CSMD1: variants seen among roughly 807,000 people sequenced by gnomAD.
CSMD1 encodes the protein CUB and sushi domain-containing protein 1.
In CSMD1, 213 loss-of-function variants were observed where a neutral mutation model predicts 417.5. The observed-to-expected ratio is 0.51, with a 90% CI of 0.46 to 0.57. The LOEUF (loss-of-function observed/expected upper bound fraction) is 0.57, where lower values mean the gene tolerates loss of function less well. Ranked by LOEUF, CSMD1 falls within the 20% of genes least tolerant of loss-of-function variation. CSMD1 has a pLI of 0.00. For synonymous variants in CSMD1, 2,862 were observed against 1,736.8 expected, an observed-to-expected ratio of 1.65 and a Z score of -16.11; for missense variants, 6,923 against 4,529.7, an observed-to-expected ratio of 1.53 and a Z score of -15.17.
At chr8:4,698,109 G>T (rs934994482) in intron 1 of CSMD1, among the ~76,000 whole-genome samples, 8 of 148,600 alleles carry the variant, frequency 5.4e-5, no homozygotes, top group Non-Finnish European at 8.9e-5. Flanking sequence ...TCCCAAATCT[G>T]TGAACACTTT....
At chr8:3,758,722 AC>A (rs1797816910) in intron 5 of CSMD1, among the ~76,000 whole-genome samples, 1 of 152,202 alleles carries the variant, frequency 6.6e-6, no homozygotes, top group Non-Finnish European at 1.5e-5. Flanking sequence ...CATACCTGCT[AC>A]AGACAGATCC....
chr8:3,302,088 G>A (rs1191489651), intron 25 of CSMD1, among the ~76,000 whole-genome samples: 1 of 152,102 alleles, frequency 6.6e-6, no homozygotes, highest in Non-Finnish European at 1.5e-5. Flanking sequence ...TAACACTGAA[G>A]ACTAAAGTCT....
At chr8:4,700,355 A>G (rs1670641027) in intron 1 of CSMD1, among the ~76,000 whole-genome samples, 1 of 151,972 alleles carries the variant, frequency 6.6e-6, no homozygotes, top group South Asian at 2.1e-4. Context: ...TACATATTAT[A>G]AAAATATTAT....
chr8:3,134,086 C>A (rs1046513732), intron 41 of CSMD1, among the ~76,000 whole-genome samples: 3 of 152,032 alleles, frequency 2.0e-5, no homozygotes, highest in African/African-American at 7.3e-5. Context: ...GCAGGAGAAT[C>A]ACTTGAACCA....
chr8:3,354,875 A>ATATCTATAGATATGTCTATCTATAGAGC (rs1808650423), intron 21 of CSMD1, among the ~76,000 whole-genome samples: 1 of 71,522 alleles, frequency 1.4e-5, no homozygotes, highest in Non-Finnish European at 2.7e-5. Context: ...AGATATACAT[A>ATATCTATAGATATGTCTATCTATAGAGC]TATCTATAGA....
intron 5 of CSMD1, among the ~76,000 whole-genome samples, chr8:3,843,179 T>C (rs1342302194): frequency 6.6e-6 from 1 of 152,188 alleles, no homozygotes; most frequent in Non-Finnish European, 1.5e-5. Context: ...TCATGGCTTG[T>C]AAATTGTTTG....
intron 3 of CSMD1, among the ~76,000 whole-genome samples, chr8:4,347,626 G>A (rs1159758054): frequency 1.3e-5 from 2 of 152,124 alleles, no homozygotes; most frequent in Non-Finnish European, 2.9e-5. Context: ...GTCTTCTAGT[G>A]CAAAAGCAAT....
chr8:3,892,210 G>A (rs1327188646), intron 5 of CSMD1, among the ~76,000 whole-genome samples: 1 of 152,072 alleles, frequency 6.6e-6, no homozygotes, highest in East Asian at 1.9e-4. Context: ...TATTTTACAA[G>A]GTTAAATTAA....
chr8:4,851,804 TG>T (rs1278051122), intron 1 of CSMD1, among the ~76,000 whole-genome samples: 12 of 152,160 alleles, frequency 7.9e-5, no homozygotes, highest in African/African-American at 2.9e-4. Context: ...CTTTAACTTG[TG>T]TGATTAAATG....
intron 26 of CSMD1, among the ~76,000 whole-genome samples, chr8:3,283,504 C>A (rs1802897632): frequency 6.6e-6 from 1 of 151,174 alleles, no homozygotes; most frequent in Non-Finnish European, 1.5e-5. Flanking sequence ...AAAGAATTCC[C>A]TAAAACAAAA....
intron 25 of CSMD1, among the ~76,000 whole-genome samples, chr8:3,288,723 A>C (rs557405158): frequency 6.8e-6 from 1 of 146,202 alleles, no homozygotes; most frequent in South Asian, 2.1e-4. Flanking sequence ...GCAGTTTATC[A>C]ATTTTGTTGA....
chr8:3,219,544 T>C (rs113787216), intron 28 of CSMD1, 102 bp from the exon 29 acceptor site: 14 of 860,040 alleles, frequency 1.6e-5, no homozygotes, highest in African/African-American at 1.6e-4. Flanking sequence ...TGCTTTTGTA[T>C]AATGATTTTT....
At chr8:3,707,308 A>AATTG (rs33948114) in intron 7 of CSMD1, among the ~76,000 whole-genome samples, 57,746 of 151,890 alleles carry the variant, frequency 0.38, 11,266 homozygotes, top group East Asian at 0.55. Flanking sequence ...ATGTAAACAG[A>AATTG]ATTGACCCGA....
At chr8:4,851,691 G>A (rs1483532894) in intron 1 of CSMD1, among the ~76,000 whole-genome samples, 1 of 152,080 alleles carries the variant, frequency 6.6e-6, no homozygotes, top group Non-Finnish European at 1.5e-5. Context: ...GAGTCCCATT[G>A]TGTGGCATCG....
At chr8:4,504,805 C>T (rs2130305160) in intron 2 of CSMD1, among the ~76,000 whole-genome samples, 1 of 152,318 alleles carries the variant, frequency 6.6e-6, no homozygotes, top group Non-Finnish European at 1.5e-5. Flanking sequence ...CTGCAAAGGA[C>T]ATGAACTCAT....
intron 32 of CSMD1, among the ~76,000 whole-genome samples, chr8:3,200,495 C>T (rs1437398105): frequency 2.6e-5 from 4 of 151,630 alleles, no homozygotes; most frequent in Non-Finnish European, 4.4e-5. Context: ...ATGGAGGTTG[C>T]AGTGAGCCGA....
At chr8:4,231,462 T>A (rs1455645688) in intron 3 of CSMD1, among the ~76,000 whole-genome samples, 2 of 152,168 alleles carry the variant, frequency 1.3e-5, no homozygotes, top group African/African-American at 2.4e-5. Context: ...CATTAGACAG[T>A]GAACTCTCTC....
At chr8:3,320,714 G>C (rs892327182) in intron 23 of CSMD1, among the ~76,000 whole-genome samples, 4 of 152,130 alleles carry the variant, frequency 2.6e-5, no homozygotes, top group African/African-American at 9.7e-5. Context: ...TTTCTGCTGA[G>C]TGGGTGACTG....
chr8:4,742,994 C>T (rs973926491), intron 1 of CSMD1, among the ~76,000 whole-genome samples: 3 of 152,172 alleles, frequency 2.0e-5, no homozygotes, highest in South Asian at 2.1e-4. Flanking sequence ...AACTGTCAAC[C>T]ACATGCTTCA....
Sources: allele counts gnomAD v4.1 joint callset (sites outside exome capture counted in the v4.1 genomes callset), GRCh38; gene constraint gnomAD v4.1.1; transcripts MANE v1.5; gene names NCBI Gene and HGNC (gene_info 2026-07-23, HGNC 2026-07-21).